The following GRM7 variants were observed in gnomAD, a reference collection of about 807,000 sequenced individuals.
GRM7 encodes the protein metabotropic glutamate receptor 7.
GRM7 carries 35 observed loss-of-function variants against 84.5 expected under a neutral mutation model. The observed-to-expected ratio is 0.41, with a 90% CI of 0.32 to 0.55. The LOEUF (loss-of-function observed/expected upper bound fraction) is 0.55. Ranked by LOEUF, GRM7 falls within the 20% of genes least tolerant of loss-of-function variation. The pLI is 0.19. For missense variants in GRM7, 1,003 were observed against 1,194.6 expected, an observed-to-expected ratio of 0.84 and a Z score of 2.36; for synonymous variants, 487 against 455.1, an observed-to-expected ratio of 1.07 and a Z score of -0.89.
chr3:7,123,759 G>A (rs997295235), intron 1 of GRM7, among the ~76,000 whole-genome samples: 2 of 152,146 alleles, frequency 1.3e-5, no homozygotes, highest in African/African-American at 4.8e-5. Context: ...ACGCTTCCTG[G>A]ATTTGCCTAT....
chr3:7,036,900 A>G (rs897157505), intron 1 of GRM7, among the ~76,000 whole-genome samples: 2 of 152,160 alleles, frequency 1.3e-5, no homozygotes, highest in African/African-American at 4.8e-5. Flanking sequence ...AAGTTGCTCC[A>G]TCTACAAAAT....
chr3:7,506,499 C>T (rs1471104299), intron 7 of GRM7, among the ~76,000 whole-genome samples: 1 of 152,132 alleles, frequency 6.6e-6, no homozygotes, highest in Non-Finnish European at 1.5e-5. Flanking sequence ...ATTTGTTATA[C>T]CAACAATCCC....
At chr3:7,453,487 C>A (rs1435017109) in intron 6 of GRM7, among the ~76,000 whole-genome samples, 1 of 152,110 alleles carries the variant, frequency 6.6e-6, no homozygotes, top group Non-Finnish European at 1.5e-5. Context: ...GAGCAACTCA[C>A]AAAACTCAGT....
chr3:7,319,890 A>T (rs1344783007), intron 4 of GRM7, among the ~76,000 whole-genome samples: 2 of 151,986 alleles, frequency 1.3e-5, no homozygotes, highest in African/African-American at 4.8e-5. Context: ...CAAGTCTTAA[A>T]TGTACCACTC....
intron 1 of GRM7, among the ~76,000 whole-genome samples, chr3:6,976,801 TTAAG>T (rs1694016623): frequency 6.6e-6 from 1 of 152,184 alleles, no homozygotes; most frequent in African/African-American, 2.4e-5. Flanking sequence ...TGCCAAATAC[TTAAG>T]TAAGATGTGT....
chr3:7,159,341 T>C (rs761948418), intron 2 of GRM7, among the ~76,000 whole-genome samples: 1 of 152,198 alleles, frequency 6.6e-6, no homozygotes, highest in Non-Finnish European at 1.5e-5. Flanking sequence ...ATCAATTTGC[T>C]TTATTTAGCT....
At chr3:7,553,327 GTTCCAAACTTTCCCACATT>G (rs1693583054) in intron 7 of GRM7, among the ~76,000 whole-genome samples, 2 of 152,200 alleles carry the variant, frequency 1.3e-5, no homozygotes, top group East Asian at 3.9e-4. Flanking sequence ...TCTCTAGGAA[GTTCCAAACTTTCCCACATT>G]TTCCTATCTT....
At chr3:7,022,144 T>C (rs1300171603) in intron 1 of GRM7, among the ~76,000 whole-genome samples, 4 of 151,790 alleles carry the variant, frequency 2.6e-5, no homozygotes, top group Non-Finnish European at 5.9e-5. Context: ...CTGTACAACA[T>C]GGTGATACCC....
At chr3:7,292,114 T>C (rs1699653098) in intron 2 of GRM7, among the ~76,000 whole-genome samples, 1 of 152,196 alleles carries the variant, frequency 6.6e-6, no homozygotes, top group Admixed American at 6.5e-5. Context: ...TTACCCAACC[T>C]TGGGTATGTT....
At chr3:6,941,819 G>A (rs73126708) in intron 1 of GRM7, among the ~76,000 whole-genome samples, 1,630 of 152,196 alleles carry the variant, frequency 0.011, 27 homozygotes, top group African/African-American at 0.037. Flanking sequence ...TCTAGGTGCT[G>A]GGCTAGATAG....
intron 8 of GRM7, among the ~76,000 whole-genome samples, chr3:7,613,079 C>G (rs903662339): frequency 6.6e-6 from 1 of 151,436 alleles, no homozygotes; most frequent in Non-Finnish European, 1.5e-5. Flanking sequence ...ACAGTAAAAA[C>G]TATCTCCCAA....
chr3:7,720,681 G>T (rs924404325), intron 9 of GRM7, among the ~76,000 whole-genome samples: 6 of 152,192 alleles, frequency 3.9e-5, no homozygotes, highest in Non-Finnish European at 8.8e-5. Flanking sequence ...TTTCAGAAAA[G>T]AAATCAAGAG....
At chr3:7,608,570 G>GT (rs1251791409) in intron 8 of GRM7, among the ~76,000 whole-genome samples, 2 of 151,712 alleles carry the variant, frequency 1.3e-5, no homozygotes, top group Non-Finnish European at 2.9e-5. Context: ...TTATAATAGG[G>GT]TTTTTTCTTG....
At chr3:7,054,945 A>T (rs1697158380) in intron 1 of GRM7, among the ~76,000 whole-genome samples, 1 of 151,878 alleles carries the variant, frequency 6.6e-6, no homozygotes, top group South Asian at 2.1e-4. Context: ...TGAGCTGGGG[A>T]ATTGCAAGGC....
chr3:7,283,765 A>T (rs900015025), intron 2 of GRM7, among the ~76,000 whole-genome samples: 1 of 152,214 alleles, frequency 6.6e-6, no homozygotes, highest in Admixed American at 6.5e-5. Context: ...CTACACATGG[A>T]CTTTACGGGC....
intron 4 of GRM7, among the ~76,000 whole-genome samples, chr3:7,321,906 T>C (rs937476015): frequency 6.6e-6 from 1 of 152,108 alleles, no homozygotes; most frequent in Non-Finnish European, 1.5e-5. Flanking sequence ...GCTTATGACT[T>C]ATGCTATGGT....
chr3:6,875,988 C>T (rs1695285457), intron 1 of GRM7, among the ~76,000 whole-genome samples: 1 of 152,094 alleles, frequency 6.6e-6, no homozygotes. Context: ...TATGGCATGG[C>T]CGGGCGTAGT....
intron 4 of GRM7, among the ~76,000 whole-genome samples, chr3:7,315,474 A>G (rs938234569): frequency 6.6e-6 from 1 of 152,196 alleles, no homozygotes; most frequent in Admixed American, 6.5e-5. Context: ...TTCACCTCAC[A>G]GTGTTTTCTA....
chr3:6,933,053 C>A (rs1003327896), intron 1 of GRM7, among the ~76,000 whole-genome samples: 7 of 151,960 alleles, frequency 4.6e-5, no homozygotes, highest in Middle Eastern at 3.4e-3. Flanking sequence ...CCGTGCCTAG[C>A]CTTTAATGTT....
Sources: gnomAD v4.1 joint callset for allele counts (sites outside exome capture counted in the v4.1 genomes callset) on GRCh38, gnomAD v4.1.1 for gene constraint, MANE v1.5 for transcripts, NCBI Gene and HGNC (gene_info 2026-07-23, HGNC 2026-07-21) for gene names.